SPRED1: variants seen among roughly 807,000 people sequenced by gnomAD.
SPRED1 encodes sprouty related EVH1 domain containing 1.
Under a neutral mutation model 52.3 loss-of-function variants are expected in SPRED1, and 18 were observed. That is an observed-to-expected ratio of 0.34 (90% CI 0.24 to 0.51). The LOEUF (loss-of-function observed/expected upper bound fraction) is 0.51. Among genes scored for constraint, SPRED1 ranks in the 20% least tolerant of loss-of-function variants. The pLI, the probability that SPRED1 is intolerant of heterozygous loss-of-function variation, is 0.97. For missense variants in SPRED1, 485 were observed against 551.0 expected, an observed-to-expected ratio of 0.88 and a Z score of 1.20; for synonymous variants, 155 against 179.7, an observed-to-expected ratio of 0.86 and a Z score of 1.10.
chr15:38,310,157 G>GTGTGTGT (rs1555390275), intron 2 of SPRED1, among the ~76,000 whole-genome samples: 1 of 142,518 alleles, frequency 7.0e-6, no homozygotes, highest in Non-Finnish European at 1.6e-5. Context: ...GTGTGTGTTT[G>GTGTGTGT]GAGACGAAGT....
chr15:38,286,867 T>C (rs1894822642), intron 1 of SPRED1, among the ~76,000 whole-genome samples: 6 of 152,170 alleles, frequency 3.9e-5, no homozygotes, highest in Admixed American at 3.9e-4. Flanking sequence ...AAAATAATGT[T>C]GTCCCACTTT....
chr15:38,336,424 A>ATGTG (rs1178951657), intron 4 of SPRED1, among the ~76,000 whole-genome samples: 6,448 of 29,252 alleles, frequency 0.22, 211 homozygotes, highest in East Asian at 0.37. Flanking sequence ...ATGTGTGTGT[A>ATGTG]TATATATATA....
Position 38,353,784 on chromosome 15 carries a change from T to C in SPRED1, c.*2120T>C, listed in dbSNP as rs1888547042. The C allele has an allele frequency of 6.6e-6, 1 of 152,584 alleles. No individual in the cohort carries two copies. Among genetic ancestry groups the C allele is most frequent in the African/African-American group, 2.4e-5 (1 of 41,464 alleles). The allele number at this position is 152,584 out of a possible 1,614,324, so 9.5% of individuals were successfully genotyped here. A position where few individuals can be genotyped will look rare whatever the true frequency, so the allele number is the denominator to read the frequency against. On this transcript the variant is annotated 3_prime_UTR_variant, in exon 7 of 7. Coordinates refer to ENST00000299084, the MANE Select transcript of SPRED1 (RefSeq NM_152594.3). ...TGAAGAAAATAACTTGCTGGCTATA[T>C]AGGAAAATGCTGTGGAAATGAACTG...
chr15:38,259,520 A>G (rs1273419076), intron 1 of SPRED1, among the ~76,000 whole-genome samples: 1 of 152,230 alleles, frequency 6.6e-6, no homozygotes, highest in African/African-American at 2.4e-5. Flanking sequence ...GGCTGGGATT[A>G]CTGGCATGAG....
At chr15:38,337,938 C>T (rs892361090) in intron 4 of SPRED1, among the ~76,000 whole-genome samples, 9 of 149,726 alleles carry the variant, frequency 6.0e-5, no homozygotes, top group Admixed American at 2.0e-4. Flanking sequence ...AGAAATTGTG[C>T]GCCTGTAATC....
At chr15:38,254,333 C>T (rs1311596721) in intron 1 of SPRED1, among the ~76,000 whole-genome samples, 1 of 152,052 alleles carries the variant, frequency 6.6e-6, no homozygotes. Flanking sequence ...AGAGAAAGGC[C>T]AAACAACATT....
At chr15:38,322,562 A>G (rs574282780) in intron 3 of SPRED1, among the ~76,000 whole-genome samples, 153 bp downstream of exon 3, 15 of 152,308 alleles carry the variant, frequency 9.8e-5, no homozygotes, top group Non-Finnish European at 1.6e-4. Context: ...ATAGATGAAG[A>G]TAAAATAATA....
In SPRED1 at chr15:38,322,651, G is replaced by A. The variant is rs141514845; in HGVS notation, c.376+242G>A. On this transcript the variant is annotated intron_variant, in intron 3 of 6. Coordinates refer to ENST00000299084, the MANE Select transcript of SPRED1 (RefSeq NM_152594.3). ...TATTATCTTGAAGAGTCCATCAACA[G>A]CTGACTTCAGATAATTCAAATGTTT... Among the ~76,000 whole-genome samples, 79 of 152,282 alleles carry A rather than the reference G, an allele frequency of 5.2e-4. 1 individual carries two copies. The highest frequency in any genetic ancestry group is 1.8e-3 in the African/African-American group (75 of 41,554).
intron 1 of SPRED1, among the ~76,000 whole-genome samples, chr15:38,288,617 G>T (rs371294071): frequency 6.8e-4 from 104 of 152,200 alleles, no homozygotes; most frequent in African/African-American, 2.4e-3. Flanking sequence ...AGAGCCCCAC[G>T]GTAGAAGAGA....
intron 2 of SPRED1, among the ~76,000 whole-genome samples, chr15:38,308,872 C>A (rs753088873): frequency 2.6e-5 from 4 of 152,194 alleles, no homozygotes; most frequent in African/African-American, 4.8e-5. Context: ...ATGGTAGTTG[C>A]ATATTTAGTT....
At chr15:38,334,123 G>A (rs892369317) in intron 4 of SPRED1, among the ~76,000 whole-genome samples, 1 of 151,978 alleles carries the variant, frequency 6.6e-6, no homozygotes, top group African/African-American at 2.4e-5. Context: ...TGCTACACAT[G>A]TCAAGGTGAA....
At chr15:38,349,207 T>C (rs1300276279) in intron 5 of SPRED1, among the ~76,000 whole-genome samples, 1 of 152,196 alleles carries the variant, frequency 6.6e-6, no homozygotes, top group Non-Finnish European at 1.5e-5. Context: ...TTTTTGACTA[T>C]GTATTCATTA....
Position 38,276,098 on chromosome 15 carries a change from C to A in SPRED1, c.32+22881C>A, listed in dbSNP as rs185874633. The stretch of plus-strand genomic sequence containing the variant: ...CAGTTATTTCAATGCAAAAAATAGT[C>A]ATTGCAGTGCCAGAAATATTTATCA... On this transcript the variant is annotated intron_variant, in intron 1 of 6. Coordinates refer to ENST00000299084, the MANE Select transcript of SPRED1 (RefSeq NM_152594.3). Among the ~76,000 whole-genome samples, 14 of 152,108 alleles carry A rather than the reference C, an allele frequency of 9.2e-5. No individual in the cohort carries two copies. The East Asian group carries it at 2.7e-3, about 29-fold the overall frequency.
chr15:38,339,337 C>G, intron 4 of SPRED1, among the ~76,000 whole-genome samples: 1 of 152,102 alleles, frequency 6.6e-6, no homozygotes, highest in East Asian at 1.9e-4. Flanking sequence ...CAGCAGAGTT[C>G]TTTGAACATT....
At position 38,353,813 on chromosome 15, in the gene SPRED1, A is replaced by G. The variant is rs1285678363; in HGVS notation, c.*2149A>G. The G allele has an allele frequency of 6.6e-6, 1 of 152,606 alleles. No individual in the cohort carries two copies. Among genetic ancestry groups the G allele is most frequent in the African/African-American group, 2.4e-5 (1 of 41,462 alleles). 9.5% of individuals were successfully genotyped at this position (152,606 alleles called of 1,614,324 possible). A position where few individuals can be genotyped will look rare whatever the true frequency, so the allele number is the denominator to read the frequency against. ...AAAATGCTGTGGAAATGAACTGTGT[A>G]TATACTTCTGGGAGGAACAAATTTA... On this transcript the variant is annotated 3_prime_UTR_variant, in exon 7 of 7. Coordinates refer to ENST00000299084, the MANE Select transcript of SPRED1 (RefSeq NM_152594.3).
intron 3 of SPRED1, among the ~76,000 whole-genome samples, chr15:38,323,132 T>C (rs1895638029): frequency 6.6e-6 from 1 of 152,128 alleles, no homozygotes; most frequent in South Asian, 2.1e-4. Flanking sequence ...GAAAGTGTGC[T>C]AGACTACGTT....
chr15:38,299,305 C>A, intron 1 of SPRED1, 68 bp from the exon 2 acceptor site: 1 of 1,547,728 alleles, frequency 6.5e-7, no homozygotes, highest in Non-Finnish European at 8.9e-7. Context: ...GTTTCTCAAA[C>A]AAGACTGATG....
chr15:38,326,833 G>A (rs1301522978), intron 4 of SPRED1, among the ~76,000 whole-genome samples: 1 of 152,122 alleles, frequency 6.6e-6, no homozygotes, highest in African/African-American at 2.4e-5. Flanking sequence ...AAAATAGAAG[G>A]AAATTAGAAA....
intron 1 of SPRED1, among the ~76,000 whole-genome samples, chr15:38,260,233 A>C (rs1304058367): frequency 6.6e-6 from 1 of 152,228 alleles, no homozygotes; most frequent in East Asian, 1.9e-4. Context: ...CCAGTAGGGG[A>C]ATCCTTTCTT....
Sources: gnomAD v4.1 joint callset for allele counts (sites outside exome capture counted in the v4.1 genomes callset) on GRCh38, gnomAD v4.1.1 for gene constraint, MANE v1.5 for transcripts, NCBI Gene and HGNC (gene_info 2026-07-23, HGNC 2026-07-21) for gene names.